Variants in ENOX1 observed in about 807,000 individuals in gnomAD.
The protein encoded by ENOX1 is ecto-NOX disulfide-thiol exchanger 1.
Under a neutral mutation model 82.5 loss-of-function variants are expected in ENOX1, and 42 were observed. The ratio of observed to expected loss-of-function variants is 0.51; its 90% CI spans 0.40 to 0.66. The LOEUF (loss-of-function observed/expected upper bound fraction) is 0.66. Ranked by LOEUF, ENOX1 falls within the 30% of genes least tolerant of loss-of-function variation. The pLI is 0.00. For synonymous variants in ENOX1, 271 were observed against 282.2 expected (o/e 0.96, Z 0.40); for missense variants, 608 against 811.6 (o/e 0.75, Z 3.05).
In ENOX1 at chr13:43,281,126, T is replaced by G. The variant is rs924741920; in HGVS notation, c.1447-11549A>C. Among the ~76,000 whole-genome samples, 3 of 152,276 alleles carry G rather than the reference T, an allele frequency of 2.0e-5. No individual in the cohort carries two copies. The East Asian group carries it at 5.8e-4, about 29-fold the overall frequency. ...GTTTCCCCATAGGCTTTCAACCACC[T>G]ATAGCAACTACTGAACCTCTGAACT... On this transcript the variant is annotated intron_variant, in intron 12 of 16. Transcript: ENST00000690772.
chr13:43,311,801 T>A (rs2047217085), intron 11 of ENOX1, among the ~76,000 whole-genome samples: 1 of 152,226 alleles, frequency 6.6e-6, no homozygotes, highest in Admixed American at 6.5e-5. Flanking sequence ...ATTTACTGAA[T>A]ATTTGTTGTT....
rs2053502812 is a variant in ENOX1 at position 43,401,633 on chromosome 13, G to C, written c.208+10283C>G. ...CTGCATGTTGATTAGGAGAGACGGA[G>C]AGGGAAGTGCAAAGGCTGGGGCAAA... On this transcript the variant is annotated intron_variant, in intron 5 of 16. Coordinates refer to ENST00000690772, the MANE Select transcript of ENOX1 (RefSeq NM_001347969.2). Among the ~76,000 whole-genome samples the C allele has an allele frequency of 5.9e-5, 9 of 152,178 alleles. No homozygotes were observed. The South Asian group carries it at 1.9e-3, about 32-fold the overall frequency.
At position 43,583,566 on chromosome 13, in the gene ENOX1, T is replaced by G. The variant is rs149503673; in HGVS notation, c.-219+83913A>C. On this transcript the variant is annotated intron_variant, in intron 2 of 16. Coordinates refer to ENST00000690772, the MANE Select transcript of ENOX1 (RefSeq NM_001347969.2). Reference sequence around the variant, plus strand: ...TGTTTGGAATGCCATCTGTCTAAACTTCCTCCCAGTTCTAAATATCCTATC... The same window carrying G: ...TGTTTGGAATGCCATCTGTCTAAACGTCCTCCCAGTTCTAAATATCCTATC... Among the ~76,000 whole-genome samples the G allele has an allele frequency of 8.5e-5, 13 of 152,300 alleles. No individual in the cohort carries two copies. The East Asian group carries it at 2.5e-3, about 29-fold the overall frequency.
chr13:43,368,761 G>A (rs1362406587), intron 5 of ENOX1, among the ~76,000 whole-genome samples: 1 of 152,190 alleles, frequency 6.6e-6, no homozygotes, highest in Non-Finnish European at 1.5e-5. Context: ...ATGGACACTG[G>A]CCCTAACCAA....
intron 2 of ENOX1, among the ~76,000 whole-genome samples, chr13:43,573,907 T>C (rs968502949): frequency 6.6e-6 from 1 of 152,144 alleles, no homozygotes; most frequent in African/African-American, 2.4e-5. Context: ...CAAGGCAAAA[T>C]ACATTGTGCA....
intron 12 of ENOX1, among the ~76,000 whole-genome samples, chr13:43,278,774 T>C (rs1157581727): frequency 1.3e-5 from 2 of 152,162 alleles, no homozygotes; most frequent in Non-Finnish European, 2.9e-5. Context: ...GTTCTAACTG[T>C]TAGGTAAAGT....
intron 3 of ENOX1, among the ~76,000 whole-genome samples, chr13:43,482,338 G>GAT (rs1201929355): frequency 3.3e-5 from 5 of 152,116 alleles, no homozygotes; most frequent in African/African-American, 4.8e-5. Flanking sequence ...TGACAACATG[G>GAT]ATAAACTAAG....
intron 2 of ENOX1, among the ~76,000 whole-genome samples, chr13:43,640,137 A>G (rs1389557069): frequency 1.3e-5 from 2 of 152,214 alleles, no homozygotes; most frequent in African/African-American, 4.8e-5. Context: ...TCCCTAAATT[A>G]TTATGGTAAA....
At chr13:43,510,531 T>C (rs1199470025) in intron 2 of ENOX1, among the ~76,000 whole-genome samples, 2 of 152,096 alleles carry the variant, frequency 1.3e-5, no homozygotes, top group African/African-American at 2.4e-5. Flanking sequence ...AGGTGAGCAG[T>C]TGTTACTCTG....
rs141313266 is a variant in ENOX1, at chr13:43,300,911, C to A, written c.1262-2381G>T. 7.3e-5 allele frequency among the ~76,000 whole-genome samples: 11 copies of A among 150,028 alleles called. No individual in the cohort carries two copies. The East Asian group carries it at 2.1e-3, about 29-fold the overall frequency. ...AATCAGAAATTATCCAGCACATAAC[C>A]CGCAGCATGAGCCAGTGCTTTTTAA... On this transcript the variant is annotated intron_variant, in intron 11 of 16. Transcript: ENST00000690772.
At chr13:43,428,213 G>C (rs182031601) in intron 3 of ENOX1, among the ~76,000 whole-genome samples, 1 of 152,274 alleles carries the variant, frequency 6.6e-6, no homozygotes, top group Admixed American at 6.5e-5. Flanking sequence ...TTTATTGAGA[G>C]GCACATTTTT....
At chr13:43,621,258 C>A (rs1429461832) in intron 2 of ENOX1, among the ~76,000 whole-genome samples, 1 of 152,098 alleles carries the variant, frequency 6.6e-6, no homozygotes, top group Non-Finnish European at 1.5e-5. Context: ...ATGTGAGGTA[C>A]CATTGAATTC....
intron 2 of ENOX1, among the ~76,000 whole-genome samples, chr13:43,641,746 G>GA (rs1177650886): frequency 6.6e-6 from 1 of 151,668 alleles, no homozygotes; most frequent in Admixed American, 6.6e-5. Flanking sequence ...TGTTAGCCAG[G>GA]ATGGTTTGCA....
rs1566642477 is a variant in ENOX1 at position 43,616,198 on chromosome 13, ATATATATTTT to A, written c.-219+51271_-219+51280del. On this transcript the variant is annotated intron_variant, in intron 2 of 16. Coordinates refer to ENST00000690772, the MANE Select transcript of ENOX1 (RefSeq NM_001347969.2). Reference sequence around the variant, plus strand: ...TCTATCTATCTATCTATATATATATATATATATTTTTTTTTTTTTTTTAGGACGGAGTCTT... The same window carrying A: ...TCTATCTATCTATCTATATATATATATTTTTTTTTTTTAGGACGGAGTCTT... Among the ~76,000 whole-genome samples the A allele has an allele frequency of 5.0e-4, 10 of 19,812 alleles. 3 individuals carry two copies. Among genetic ancestry groups the A allele is most frequent in the Non-Finnish European group, 2.3e-3 (6 of 2,658 alleles). 13.0% of individuals were successfully genotyped at this position (19,812 alleles called of 152,430 possible). A position where few individuals can be genotyped will look rare whatever the true frequency, so the allele number is the denominator to read the frequency against.
chr13:43,652,431 G>C (rs1218287207), intron 2 of ENOX1, among the ~76,000 whole-genome samples: 2 of 152,160 alleles, frequency 1.3e-5, no homozygotes, highest in African/African-American at 4.8e-5. Flanking sequence ...TTACTGTCAT[G>C]GTGGTGGTGA....
chr13:43,739,656 A>C (rs941563380), intron 1 of ENOX1, among the ~76,000 whole-genome samples: 2 of 151,914 alleles, frequency 1.3e-5, no homozygotes, highest in African/African-American at 4.8e-5. Context: ...AAATAACATA[A>C]GAAAAGAGCT....
intron 11 of ENOX1, 102 bp from the exon 12 acceptor site, chr13:43,298,632 G>A (rs1411073394): frequency 8.9e-7 from 1 of 1,120,940 alleles, no homozygotes; most frequent in Non-Finnish European, 1.2e-6. Context: ...CTTAATGTTT[G>A]TACCAGCTCA....
intron 8 of ENOX1, among the ~76,000 whole-genome samples, chr13:43,353,823 T>C (rs1318133913): frequency 1.3e-5 from 2 of 152,270 alleles, no homozygotes; most frequent in Non-Finnish European, 2.9e-5. Flanking sequence ...GTACAGCTTC[T>C]GAATTCTGTA....
chr13:43,479,901 C>T (rs1481275305), intron 3 of ENOX1, among the ~76,000 whole-genome samples: 2 of 151,708 alleles, frequency 1.3e-5, no homozygotes, highest in African/African-American at 2.4e-5. Context: ...TCCTGAGAAC[C>T]GTGGTTACTA....
Sources: allele counts gnomAD v4.1 joint callset (sites outside exome capture counted in the v4.1 genomes callset), GRCh38; gene constraint gnomAD v4.1.1; transcripts MANE v1.5; gene names NCBI Gene and HGNC (gene_info 2026-07-23, HGNC 2026-07-21).